MCTP2: variants seen among roughly 807,000 people sequenced by gnomAD.
MCTP2 encodes multiple C2 and transmembrane domain-containing protein 2.
MCTP2 carries 132 observed loss-of-function variants against 111.6 expected under a neutral mutation model. The ratio of observed to expected loss-of-function variants is 1.18; its 90% CI spans 1.03 to 1.37. The LOEUF is 1.37. MCTP2 is among the 40% of genes most tolerant of loss of function. The pLI, the probability that MCTP2 is intolerant of heterozygous loss-of-function variation, is 0.00. For synonymous variants in MCTP2, 395 were observed against 387.7 expected (o/e 1.02, Z -0.22); for missense variants, 1,183 against 1,067.9 (o/e 1.11, Z -1.50).
At chr15:94,441,599 T>G (rs1012974751) in intron 18 of MCTP2, among the ~76,000 whole-genome samples, 1 of 152,230 alleles carries the variant, frequency 6.6e-6, no homozygotes. Flanking sequence ...TATGTATGTA[T>G]AAAGCCTTTA....
At chr15:94,456,720 A>G (rs1205767700) in intron 19 of MCTP2, among the ~76,000 whole-genome samples, 2 of 152,372 alleles carry the variant, frequency 1.3e-5, no homozygotes, top group East Asian at 3.9e-4. Context: ...CCTTCTGCAC[A>G]GAATGAATGG....
In MCTP2 at chr15:94,283,885, C is replaced by T. The variant is rs35887220; in HGVS notation, c.-65-14316C>T. ...TTAAAAAATTGATACATTGAACTCACCAAATTTTCTTTTTAAATGACTCTT... is the reference window on the plus strand; with the variant it reads ...TTAAAAAATTGATACATTGAACTCATCAAATTTTCTTTTTAAATGACTCTT... On this transcript the variant is annotated intron_variant, in intron 1 of 22. Coordinates refer to ENST00000357742, the MANE Select transcript of MCTP2 (RefSeq NM_001385001.1). Among the ~76,000 whole-genome samples, 811 of 152,266 alleles carry T rather than the reference C, an allele frequency of 5.3e-3. 3 individuals carry two copies. Among genetic ancestry groups the T allele is most frequent in the Middle Eastern group, 0.017 (5 of 294 alleles).
At chr15:94,278,577 T>G (rs966655892) in intron 1 of MCTP2, among the ~76,000 whole-genome samples, 2 of 152,200 alleles carry the variant, frequency 1.3e-5, no homozygotes, top group Admixed American at 1.3e-4. Context: ...ATTTGATTTT[T>G]ATTTTTCAAC....
At chr15:94,430,522 AG>A (rs796375501) in intron 17 of MCTP2, among the ~76,000 whole-genome samples, 56 of 147,478 alleles carry the variant, frequency 3.8e-4, no homozygotes, top group African/African-American at 1.4e-3. Flanking sequence ...ACTTGAGGTC[AG>A]GAGTTTGAAA....
chr15:94,278,784 C>T (rs760485517), intron 1 of MCTP2, among the ~76,000 whole-genome samples: 1 of 152,064 alleles, frequency 6.6e-6, no homozygotes, highest in African/African-American at 2.4e-5. Flanking sequence ...TCTATATGTA[C>T]TCAGTGTTTA....
chr15:94,267,756 T>C (rs1284855628), intron 1 of MCTP2, among the ~76,000 whole-genome samples: 3 of 152,024 alleles, frequency 2.0e-5, no homozygotes, highest in Non-Finnish European at 4.4e-5. Context: ...ATTGTCAGGA[T>C]TTTTGGTTTG....
intron 14 of MCTP2, among the ~76,000 whole-genome samples, chr15:94,398,002 A>G (rs900530221): frequency 6.6e-6 from 1 of 152,212 alleles, no homozygotes; most frequent in Non-Finnish European, 1.5e-5. Flanking sequence ...GAATGATGAA[A>G]TCAAGCTAAT....
intron 20 of MCTP2, among the ~76,000 whole-genome samples, chr15:94,459,571 A>G (rs1253872772): frequency 6.6e-6 from 1 of 152,234 alleles, no homozygotes; most frequent in Non-Finnish European, 1.5e-5. Context: ...ATTTTTGCTC[A>G]CAGATATGAT....
At chr15:94,249,087 G>A (rs957229577) in intron 1 of MCTP2, among the ~76,000 whole-genome samples, 1 of 152,322 alleles carries the variant, frequency 6.6e-6, no homozygotes, top group East Asian at 1.9e-4. Context: ...GTGCAGAGAT[G>A]ACAAACATGA....
chr15:94,254,514 G>T (rs1327693849), intron 1 of MCTP2, among the ~76,000 whole-genome samples: 1 of 152,194 alleles, frequency 6.6e-6, no homozygotes, highest in African/African-American at 2.4e-5. Flanking sequence ...TGGACAAGAA[G>T]ACAGTGCCTG....
In MCTP2 at chr15:94,323,424, G is replaced by A. The variant is rs148654181; in HGVS notation, c.637+7787G>A. On this transcript the variant is annotated intron_variant, in intron 4 of 22. Transcript: ENST00000357742. Reference sequence around the variant, plus strand: ...GCTTAATACCCATGAATAATCATGGGCACAGAAGACTATCATGGGAGGCTG... The same window carrying A: ...GCTTAATACCCATGAATAATCATGGACACAGAAGACTATCATGGGAGGCTG... Among the ~76,000 whole-genome samples the A allele has an allele frequency of 1.7e-3, 260 of 152,300 alleles. 1 individual carries two copies. Among genetic ancestry groups the A allele is most frequent in the Non-Finnish European group, 3.1e-3 (208 of 68,028 alleles).
At chr15:94,248,728 G>T in intron 1 of MCTP2, among the ~76,000 whole-genome samples, 1 of 152,098 alleles carries the variant, frequency 6.6e-6, no homozygotes, top group South Asian at 2.1e-4. Flanking sequence ...TACGAAATTT[G>T]AATTGTTTGG....
At chr15:94,328,250 T>C (rs2076971681) in intron 4 of MCTP2, among the ~76,000 whole-genome samples, 1 of 151,388 alleles carries the variant, frequency 6.6e-6, no homozygotes, top group Non-Finnish European at 1.5e-5. Context: ...TGCCTCAGCC[T>C]CATGAGTAGC....
intron 12 of MCTP2, among the ~76,000 whole-genome samples, chr15:94,383,464 C>T (rs573085214): frequency 6.6e-5 from 10 of 152,230 alleles, no homozygotes; most frequent in South Asian, 4.2e-4. Flanking sequence ...TCTCTTTTCA[C>T]GTTGCTGATA....
chr15:94,262,085 T>C lies in MCTP2; in HGVS notation c.-66+30421T>C, dbSNP rs566092471. 7.9e-5 allele frequency among the ~76,000 whole-genome samples: 12 copies of C among 152,316 alleles called. No homozygotes were observed. In the East Asian group the frequency reaches 1.9e-3, roughly 24 times the overall value. On this transcript the variant is annotated intron_variant, in intron 1 of 22. Coordinates refer to ENST00000357742, the MANE Select transcript of MCTP2 (RefSeq NM_001385001.1). ...CACATCACAGCAGTATAATCTACTG[T>C]AGTCTTTTATTCAGGGTAACTTATC...
intron 4 of MCTP2, among the ~76,000 whole-genome samples, chr15:94,326,662 G>T (rs932891243): frequency 1.3e-5 from 2 of 151,822 alleles, no homozygotes; most frequent in African/African-American, 4.8e-5. Context: ...CTGCCTCCTG[G>T]GTTCAAGCAA....
chr15:94,356,952 A>C (rs1224444891), intron 9 of MCTP2, among the ~76,000 whole-genome samples: 2 of 152,178 alleles, frequency 1.3e-5, no homozygotes, highest in Non-Finnish European at 2.9e-5. Context: ...ATAATTAATT[A>C]GTTTTACATA....
At chr15:94,334,054 ATATT>A (rs1257537030) in intron 4 of MCTP2, among the ~76,000 whole-genome samples, 5 of 152,184 alleles carry the variant, frequency 3.3e-5, no homozygotes, top group Non-Finnish European at 5.9e-5. Context: ...AAATAAATGA[ATATT>A]TAATTACTGC....
chr15:94,410,336 T>C (rs751797767), intron 17 of MCTP2, among the ~76,000 whole-genome samples: 2 of 152,048 alleles, frequency 1.3e-5, no homozygotes, highest in East Asian at 3.9e-4. Flanking sequence ...CAGGAGTCAA[T>C]CATTTCCAGG....
Sources: gnomAD v4.1 joint callset for allele counts (sites outside exome capture counted in the v4.1 genomes callset) on GRCh38, gnomAD v4.1.1 for gene constraint, MANE v1.5 for transcripts, NCBI Gene and HGNC (gene_info 2026-07-23, HGNC 2026-07-21) for gene names.